The following LARGE1 variants were observed in gnomAD, a reference collection of about 807,000 sequenced individuals.
LARGE1 encodes the protein LARGE xylosyl- and glucuronyltransferase 1, also known as xylosyl- and glucuronyltransferase LARGE1.
In LARGE1, 43 loss-of-function variants were observed where a neutral mutation model predicts 87.6. The ratio of observed to expected loss-of-function variants is 0.49; its 90% CI spans 0.38 to 0.63. The LOEUF is 0.63. Ranked by LOEUF, LARGE1 falls within the 30% of genes least tolerant of loss-of-function variation. LARGE1 has a pLI of 0.00. For missense variants in LARGE1, 802 were observed against 1,000.2 expected, an observed-to-expected ratio of 0.80 and a Z score of 2.67; for synonymous variants, 434 against 394.6, an observed-to-expected ratio of 1.10 and a Z score of -1.18.
intron 6 of LARGE1, among the ~76,000 whole-genome samples, chr22:33,517,146 C>T (rs539534249): frequency 6.6e-6 from 1 of 152,146 alleles, no homozygotes; most frequent in Admixed American, 6.5e-5. Context: ...ACTGTGAATA[C>T]GTATTAACTG....
intron 2 of LARGE1, among the ~76,000 whole-genome samples, chr22:33,756,172 C>A (rs763222911): frequency 1.3e-5 from 2 of 152,128 alleles, no homozygotes; most frequent in Non-Finnish European, 2.9e-5. Flanking sequence ...AAGGAGTCCA[C>A]AGTGGATCCA....
At position 33,514,654 on chromosome 22, in the gene LARGE1, T is replaced by A. The variant is rs556408407; in HGVS notation, c.787+50194A>T. 2.4e-4 allele frequency among the ~76,000 whole-genome samples: 37 copies of A among 152,276 alleles called. 2 individuals are homozygous for A. In the South Asian group the frequency reaches 2.5e-3, roughly 10 times the overall value. Reference sequence around the variant, plus strand: ...ACTTGAGCATTGCTACATTTTGGTATCCACGGGGTTCCTGGAACCAGGCCC... The same window carrying A: ...ACTTGAGCATTGCTACATTTTGGTAACCACGGGGTTCCTGGAACCAGGCCC... On this transcript the variant is annotated intron_variant, in intron 6 of 14. Coordinates refer to ENST00000397394, the MANE Select transcript of LARGE1 (RefSeq NM_133642.5).
chr22:33,918,809 C>A (rs1467182987), intron 1 of LARGE1, among the ~76,000 whole-genome samples: 4 of 152,178 alleles, frequency 2.6e-5, no homozygotes, highest in African/African-American at 4.8e-5. Flanking sequence ...GGTCTCCACA[C>A]CTGTGTCAGA....
the LARGE1 span, among the ~76,000 whole-genome samples, chr22:33,150,167 T>A: frequency 1.3e-5 from 2 of 152,196 alleles, no homozygotes; most frequent in African/African-American, 4.8e-5. Flanking sequence ...GATCACCACA[T>A]CCAGACAATG....
chr22:33,208,848 C>T (rs922479629), intron 11 of LARGE1, among the ~76,000 whole-genome samples: 7 of 152,126 alleles, frequency 4.6e-5, no homozygotes, highest in Non-Finnish European at 1.5e-5. Flanking sequence ...TGTGATAGTT[C>T]GCTGAGAATG....
chr22:33,123,407 C>A, the LARGE1 span, among the ~76,000 whole-genome samples: 1 of 152,090 alleles, frequency 6.6e-6, no homozygotes, highest in East Asian at 1.9e-4. Context: ...ATTTGAATTT[C>A]CTCCACTTGC....
At chr22:33,723,026 C>G (rs1218190568) in intron 2 of LARGE1, among the ~76,000 whole-genome samples, 2 of 152,014 alleles carry the variant, frequency 1.3e-5, no homozygotes, top group East Asian at 3.9e-4. Context: ...CAATGAGGAG[C>G]CACAGAAAGC....
At chr22:33,712,470 C>G (rs1229667766) in intron 2 of LARGE1, among the ~76,000 whole-genome samples, 1 of 152,132 alleles carries the variant, frequency 6.6e-6, no homozygotes, top group African/African-American at 2.4e-5. Context: ...GAGGTGGGTC[C>G]AGCCATGGGG....
intron 11 of LARGE1, among the ~76,000 whole-genome samples, chr22:33,176,429 A>C (rs1181455201): frequency 2.0e-5 from 3 of 152,232 alleles, no homozygotes; most frequent in Non-Finnish European, 4.4e-5. Context: ...AATATCCAGA[A>C]TCTGCAAAGA....
intron 4 of LARGE1, among the ~76,000 whole-genome samples, chr22:33,616,334 C>T (rs549662838): frequency 1.3e-5 from 2 of 152,130 alleles, no homozygotes; most frequent in Admixed American, 1.3e-4. Flanking sequence ...TGGCGAAACC[C>T]TGTCTCTCCC....
intron 1 of LARGE1, among the ~76,000 whole-genome samples, chr22:33,833,709 T>G (rs2063036075): frequency 6.6e-6 from 1 of 152,200 alleles, no homozygotes; most frequent in African/African-American, 2.4e-5. Context: ...TTTTTGCAGA[T>G]GGAGCTTCAC....
At chr22:33,806,126 C>T (rs1183167611) in intron 1 of LARGE1, among the ~76,000 whole-genome samples, 1 of 149,508 alleles carries the variant, frequency 6.7e-6, no homozygotes, top group Non-Finnish European at 1.5e-5. Context: ...CTGGTAATAA[C>T]CAATATATGT....
chr22:33,587,504 C>T (rs1277270864), intron 5 of LARGE1, among the ~76,000 whole-genome samples: 2 of 151,828 alleles, frequency 1.3e-5, no homozygotes, highest in Non-Finnish European at 2.9e-5. Flanking sequence ...ATATTTTTAC[C>T]ATTTGCATTT....
chr22:33,234,947 A>G (rs1926181526), intron 11 of LARGE1, among the ~76,000 whole-genome samples: 1 of 152,218 alleles, frequency 6.6e-6, no homozygotes, highest in African/African-American at 2.4e-5. Flanking sequence ...ATAATTACAA[A>G]AGCACTTTGA....
intron 6 of LARGE1, among the ~76,000 whole-genome samples, chr22:33,520,431 A>G (rs1033349104): frequency 1.6e-4 from 24 of 151,988 alleles, no homozygotes; most frequent in African/African-American, 5.8e-4. Flanking sequence ...CTGTTCTCCA[A>G]ATCCCACAAT....
chr22:33,397,291 T>C (rs1438625095), intron 7 of LARGE1, among the ~76,000 whole-genome samples: 1 of 152,140 alleles, frequency 6.6e-6, no homozygotes, highest in Non-Finnish European at 1.5e-5. Flanking sequence ...AATTTTGTAT[T>C]TTTAGTAGAG....
At chr22:33,107,135 ACT>A in the LARGE1 span, among the ~76,000 whole-genome samples, 1 of 152,060 alleles carries the variant, frequency 6.6e-6, no homozygotes, top group Non-Finnish European at 1.5e-5. Flanking sequence ...TTTCAATGAT[ACT>A]CTCTCTCTCA....
the LARGE1 span, among the ~76,000 whole-genome samples, chr22:33,092,009 C>T: frequency 6.6e-6 from 1 of 152,012 alleles, no homozygotes; most frequent in African/African-American, 2.4e-5. Context: ...AAGCCATTCT[C>T]CTGCCTCAGC....
intron 11 of LARGE1, among the ~76,000 whole-genome samples, chr22:33,226,142 T>C (rs1451044049): frequency 6.6e-6 from 1 of 152,230 alleles, no homozygotes; most frequent in Admixed American, 6.5e-5. Flanking sequence ...ACACTGGCAT[T>C]CTGAGAATTT....
Sources: allele counts gnomAD v4.1 joint callset (sites outside exome capture counted in the v4.1 genomes callset), GRCh38; gene constraint gnomAD v4.1.1; transcripts MANE v1.5; gene names NCBI Gene and HGNC (gene_info 2026-07-23, HGNC 2026-07-21).